The following COL5A1 variants were observed in gnomAD, a reference collection of about 807,000 sequenced individuals.
The protein encoded by COL5A1 is collagen alpha-1(V) chain.
A neutral mutation model predicts 263.7 loss-of-function variants in COL5A1; 16 were observed. The ratio of observed to expected loss-of-function variants is 0.06; its 90% CI spans 0.04 to 0.09. The LOEUF (loss-of-function observed/expected upper bound fraction) is 0.09. COL5A1 is among the 10% of genes least tolerant of loss of function. The pLI, the probability that COL5A1 is intolerant of heterozygous loss-of-function variation, is 1.00. For missense variants in COL5A1, 2,036 were observed against 2,540.5 expected, an observed-to-expected ratio of 0.80 and a Z score of 4.27; for synonymous variants, 1,012 against 1,004.5, an observed-to-expected ratio of 1.01 and a Z score of -0.14.
chr9:134,738,194 C>T (rs540059632), intron 9 of COL5A1, among the ~76,000 whole-genome samples: 15 of 152,196 alleles, frequency 9.9e-5, no homozygotes, highest in South Asian at 2.1e-4. Flanking sequence ...TTCCTCATCT[C>T]GGCGTCTTCA....
chr9:134,760,488 C>T (rs1588516409), intron 18 of COL5A1, among the ~76,000 whole-genome samples: 1 of 131,136 alleles, frequency 7.6e-6, no homozygotes, highest in East Asian at 2.6e-4. Flanking sequence ...CACATGCACA[C>T]ACACCACACA....
intron 11 of COL5A1, among the ~76,000 whole-genome samples, chr9:134,743,367 C>G (rs1048698474): frequency 2.0e-5 from 3 of 152,230 alleles, no homozygotes; most frequent in Non-Finnish European, 4.4e-5. Flanking sequence ...CTGGTGTTGA[C>G]CAGCCACTCA....
intron 26 of COL5A1, among the ~76,000 whole-genome samples, chr9:134,774,020 A>C (rs1257952836): frequency 6.6e-6 from 1 of 152,220 alleles, no homozygotes; most frequent in Non-Finnish European, 1.5e-5. Context: ...GGGCCACCAG[A>C]GCTCGCACAG....
intron 1 of COL5A1, among the ~76,000 whole-genome samples, chr9:134,655,044 G>A (rs1359463882): frequency 1.5e-5 from 2 of 134,578 alleles, no homozygotes; most frequent in Non-Finnish European, 3.2e-5. Context: ...GGGGTGTGTA[G>A]GGCTGGTGTG....
intron 1 of COL5A1, among the ~76,000 whole-genome samples, chr9:134,651,233 T>A (rs1286969382): frequency 2.6e-5 from 4 of 152,206 alleles, no homozygotes; most frequent in Non-Finnish European, 5.9e-5. Flanking sequence ...CTTTATTTTT[T>A]AAATAAATGC....
intron 53 of COL5A1, among the ~76,000 whole-genome samples, chr9:134,817,556 G>A (rs1838804379): frequency 6.6e-6 from 1 of 152,158 alleles, no homozygotes; most frequent in Non-Finnish European, 1.5e-5. Context: ...GAGTCCATAG[G>A]ACTCATGCTG....
intron 4 of COL5A1, among the ~76,000 whole-genome samples, chr9:134,723,241 C>T (rs1304989313): frequency 2.0e-5 from 3 of 152,236 alleles, no homozygotes; most frequent in African/African-American, 7.2e-5. Flanking sequence ...CACCACTGTC[C>T]TGAGGCACCC....
intron 4 of COL5A1, among the ~76,000 whole-genome samples, chr9:134,714,085 AT>A (rs1434907456): frequency 2.0e-5 from 3 of 152,108 alleles, no homozygotes; most frequent in African/African-American, 4.8e-5. Flanking sequence ...AGAGACCCAG[AT>A]TTTTTTCATC....
At chr9:134,738,947 C>T (rs909213038) in intron 11 of COL5A1, 139 bp downstream of exon 11, 12 of 730,828 alleles carry the variant, frequency 1.6e-5, no homozygotes, top group Non-Finnish European at 2.9e-5. Flanking sequence ...CTCACCCAGG[C>T]ACTCCTCACA....
Position 134,794,958 on chromosome 9 carries a change from G to A in COL5A1, c.2701-124G>A. On this transcript the variant is annotated intron_variant, in intron 32 of 65. Coordinates refer to ENST00000371817, the MANE Select transcript of COL5A1 (RefSeq NM_000093.5). This position sits in a 1 kb window ranked among gnomAD's most constrained non-coding sequence, Gnocchi z 4.3. Reference sequence around the variant, plus strand: ...AAAACACGGAAAAGGTGGGTGGCGGGGAGGCCCAGGTTCCTCCTATCCTGC... The same window carrying A: ...AAAACACGGAAAAGGTGGGTGGCGGAGAGGCCCAGGTTCCTCCTATCCTGC... The A allele has an allele frequency of 2.0e-6, 2 of 1,023,262 alleles. No individual in the cohort carries two copies. 63.4% of individuals were successfully genotyped at this position (1,023,262 alleles called of 1,614,324 possible).
intron 11 of COL5A1, among the ~76,000 whole-genome samples, chr9:134,740,858 A>G (rs1180564827): frequency 5.3e-5 from 8 of 151,986 alleles, no homozygotes; most frequent in Non-Finnish European, 8.8e-5. Context: ...TCCTCCTCAA[A>G]CTCACATCAG....
At chr9:134,786,121 C>A (rs751732204) in intron 31 of COL5A1, 73 bp downstream of exon 31, 4 of 1,381,572 alleles carry the variant, frequency 2.9e-6, no homozygotes, top group Non-Finnish European at 3.0e-6. Flanking sequence ...ACCCTGCATC[C>A]GGCCGTGTTA....
At chr9:134,708,852 T>C (rs1588457830) in intron 4 of COL5A1, 1 of 456,614 alleles carries the variant, frequency 2.2e-6, no homozygotes, top group Non-Finnish European at 4.4e-6. Flanking sequence ...GTGCTCCCTC[T>C]GAAGCTTCCA....
intron 65 of COL5A1, among the ~76,000 whole-genome samples, chr9:134,838,681 C>G (rs780553530): frequency 6.6e-6 from 1 of 152,298 alleles, no homozygotes; most frequent in East Asian, 1.9e-4. Flanking sequence ...ACGGGGATAC[C>G]CAGACTGCAC....
In COL5A1 at chr9:134,841,244, C is replaced by T. The variant is rs2132940741; in HGVS notation, c.5371-913C>T. Among the ~76,000 whole-genome samples the T allele has an allele frequency of 6.6e-6, 1 of 152,302 alleles. No individual in the cohort carries two copies. The highest frequency in any genetic ancestry group is 1.5e-5 in the Non-Finnish European group (1 of 68,024). ...TCTGCCCAGGATGCGTTTGCAGGCT[C>T]CTGGTTTGCGGGAAAGGTGCGGCCT... On this transcript the variant is annotated intron_variant, in intron 65 of 65. Coordinates refer to ENST00000371817, the MANE Select transcript of COL5A1 (RefSeq NM_000093.5). This position sits in a 1 kb window ranked among gnomAD's most constrained non-coding sequence, Gnocchi z 4.8.
At position 134,796,391 on chromosome 9, in the gene COL5A1, C is replaced by T. The variant is rs750716466; in HGVS notation, c.2817C>T (p.Asp939=). The change falls in exon 35 of 66, where the codon GAC becomes GAT. Residue 939 remains aspartate, a synonymous_variant. Transcript: ENST00000371817. ...KPGPKGNSGG[D]GPAGPPGERG... is the part of the protein sequence containing the mutation. Reference sequence around the variant, plus strand: ...CTCTCAAGGGCAACTCCGGAGGTGACGGCCCAGCTGGCCCTCCTGGTGAAC... The same window carrying T: ...CTCTCAAGGGCAACTCCGGAGGTGATGGCCCAGCTGGCCCTCCTGGTGAAC... The T allele has an allele frequency of 3.7e-5, 59 of 1,614,002 alleles. 1 individual carries two copies. In the South Asian group the frequency reaches 4.4e-4, roughly 12 times the overall value.
intron 18 of COL5A1, among the ~76,000 whole-genome samples, chr9:134,760,388 AC>A (rs201584509): frequency 1.4e-4 from 10 of 70,090 alleles, no homozygotes; most frequent in African/African-American, 8.4e-4. Flanking sequence ...ATGCATACAC[AC>A]CCCCACACCC....
At chr9:134,738,245 G>A (rs967000059) in intron 9 of COL5A1, among the ~76,000 whole-genome samples, 6 of 152,198 alleles carry the variant, frequency 3.9e-5, no homozygotes, top group African/African-American at 1.4e-4. Context: ...GCCTGTGTCT[G>A]TCACTGGCCG....
Position 134,835,659 on chromosome 9 carries a change from G to A in COL5A1, c.5370+455G>A, listed in dbSNP as rs111526116. ...CAGTTGCCAGCTCTCCGGACAGCCC[G>A]GCCCATGGGCCCTCTCCATGTGGGG... On this transcript the variant is annotated intron_variant, in intron 65 of 65. Coordinates refer to ENST00000371817, the MANE Select transcript of COL5A1 (RefSeq NM_000093.5). Among the ~76,000 whole-genome samples the A allele has an allele frequency of 4.2e-3, 639 of 152,322 alleles. 1 individual carries two copies. The highest frequency in any genetic ancestry group is 0.014 in the African/African-American group (595 of 41,572).
Sources: gnomAD v4.1 joint callset for allele counts (sites outside exome capture counted in the v4.1 genomes callset) on GRCh38, gnomAD v4.1.1 for gene constraint, Gnocchi (gnomAD v3.1) non-coding constraint, MANE v1.5 for transcripts, NCBI Gene and HGNC (gene_info 2026-07-23, HGNC 2026-07-21) for gene names.